Variants in ATP8B4 observed in about 807,000 individuals in gnomAD.
ATP8B4 encodes the protein ATPase phospholipid transporting 8B4 (putative), also known as probable phospholipid-transporting ATPase IM.
In ATP8B4, 133 loss-of-function variants were observed where a neutral mutation model predicts 145.6. The observed-to-expected ratio is 0.91, with a 90% CI of 0.79 to 1.05. The LOEUF (loss-of-function observed/expected upper bound fraction) is 1.05. Ranked by LOEUF, ATP8B4 falls within the 50% of genes least tolerant of loss-of-function variation. The probability of loss-of-function intolerance (pLI) is 0.00; values close to 1 mark genes in which losing one functional copy is unlikely to be tolerated. For synonymous variants in ATP8B4, 507 were observed against 492.9 expected, an observed-to-expected ratio of 1.03 and a Z score of -0.38; for missense variants, 1,458 against 1,425.2, an observed-to-expected ratio of 1.02 and a Z score of -0.37.
At chr15:50,061,413 C>T (rs1475886325) in intron 3 of ATP8B4, among the ~76,000 whole-genome samples, 2 of 152,148 alleles carry the variant, frequency 1.3e-5, no homozygotes, top group African/African-American at 2.4e-5. Flanking sequence ...AGTACACAGG[C>T]ATCATTTCCA....
chr15:50,130,982 C>T (rs2057342182), intron 1 of ATP8B4, among the ~76,000 whole-genome samples: 1 of 152,042 alleles, frequency 6.6e-6, no homozygotes, highest in South Asian at 2.1e-4. Context: ...AGGAAACTTA[C>T]AATCATGGCA....
At chr15:50,081,305 C>A (rs2054543292) in intron 2 of ATP8B4, among the ~76,000 whole-genome samples, 1 of 152,048 alleles carries the variant, frequency 6.6e-6, no homozygotes, top group Non-Finnish European at 1.5e-5. Flanking sequence ...ATGGAAAATA[C>A]ATTGTAAACA....
chr15:50,024,217 C>T (rs757989715), intron 6 of ATP8B4, among the ~76,000 whole-genome samples: 6 of 151,984 alleles, frequency 3.9e-5, no homozygotes, highest in Non-Finnish European at 5.9e-5. Flanking sequence ...CCTGGACAGA[C>T]GGAGAGAGTA....
intron 3 of ATP8B4, among the ~76,000 whole-genome samples, chr15:50,062,849 A>G (rs773264759): frequency 3.3e-5 from 5 of 152,184 alleles, no homozygotes; most frequent in Non-Finnish European, 7.4e-5. Context: ...AAAGCATTGC[A>G]AAGAAGTTCA....
chr15:49,910,118 A>T (rs1599072250), intron 20 of ATP8B4, among the ~76,000 whole-genome samples: 1 of 152,340 alleles, frequency 6.6e-6, no homozygotes, highest in East Asian at 1.9e-4. Flanking sequence ...AATTCAGGAT[A>T]TGATTGAGAA....
intron 23 of ATP8B4, among the ~76,000 whole-genome samples, chr15:49,884,671 T>C (rs1483602282): frequency 6.7e-6 from 1 of 149,100 alleles, no homozygotes; most frequent in African/African-American, 2.5e-5. Context: ...CCTTGTTTAA[T>C]GTAATTGAGA....
At chr15:49,887,301 T>C (rs978928138) in intron 23 of ATP8B4, among the ~76,000 whole-genome samples, 2 of 151,976 alleles carry the variant, frequency 1.3e-5, no homozygotes, top group Admixed American at 1.3e-4. Context: ...TCAACCTCCC[T>C]GTTTCTCCCC....
intron 21 of ATP8B4, among the ~76,000 whole-genome samples, chr15:49,899,762 AAAG>A (rs1256147260): frequency 1.3e-5 from 2 of 152,166 alleles, no homozygotes; most frequent in Non-Finnish European, 2.9e-5. Flanking sequence ...ATTAAAAAAA[AAAG>A]AAAGAAAGAA....
At chr15:50,144,705 T>C (rs144573134) in intron 1 of ATP8B4, among the ~76,000 whole-genome samples, 2 of 152,122 alleles carry the variant, frequency 1.3e-5, no homozygotes, top group East Asian at 3.9e-4. Flanking sequence ...CACTTCATCA[T>C]GAAAGAATAA....
At chr15:49,979,955 A>G in intron 11 of ATP8B4, 142 bp from the exon 12 acceptor site, 1 of 539,844 alleles carries the variant, frequency 1.9e-6, no homozygotes, top group Non-Finnish European at 3.1e-6. Context: ...TAATCATATG[A>G]ATTACGTCAG....
At chr15:50,046,297 C>A (rs1047755076) in intron 4 of ATP8B4, among the ~76,000 whole-genome samples, 6 of 152,156 alleles carry the variant, frequency 3.9e-5, no homozygotes, top group African/African-American at 1.4e-4. Context: ...CCCCCTCCCC[C>A]TCTCTGCCCC....
intron 6 of ATP8B4, among the ~76,000 whole-genome samples, chr15:50,037,762 A>G (rs1360806847): frequency 6.6e-6 from 1 of 152,144 alleles, no homozygotes; most frequent in Non-Finnish European, 1.5e-5. Context: ...CTCTACAACT[A>G]TGGTTTTAAC....
chr15:49,952,481 C>T (rs1270617847), intron 14 of ATP8B4, among the ~76,000 whole-genome samples: 6 of 152,054 alleles, frequency 3.9e-5, no homozygotes, highest in Non-Finnish European at 7.3e-5. Flanking sequence ...TCTGTTTAGT[C>T]AATTCGGCTG....
chr15:50,126,871 C>T (rs905848923), intron 1 of ATP8B4, among the ~76,000 whole-genome samples: 8 of 143,670 alleles, frequency 5.6e-5, no homozygotes, highest in African/African-American at 1.8e-4. Context: ...CCCACACCCC[C>T]CCGCCACCAA....
chr15:49,957,897 A>T (rs1257383608), intron 14 of ATP8B4, among the ~76,000 whole-genome samples: 1 of 151,902 alleles, frequency 6.6e-6, no homozygotes, highest in African/African-American at 2.4e-5. Flanking sequence ...AAAAAATATA[A>T]TTAACAAGAT....
At chr15:49,946,538 A>G (rs1237958298) in intron 14 of ATP8B4, among the ~76,000 whole-genome samples, 1 of 152,050 alleles carries the variant, frequency 6.6e-6, no homozygotes, top group African/African-American at 2.4e-5. Flanking sequence ...AGATCATTCA[A>G]GCATTTTCCT....
At position 49,956,563 on chromosome 15, in the gene ATP8B4, A is replaced by G. The variant is rs75445603; in HGVS notation, c.1287+5414T>C. Among the ~76,000 whole-genome samples, 771 of 152,330 alleles carry G rather than the reference A, an allele frequency of 5.1e-3. 11 individuals are homozygous for G. The highest frequency in any genetic ancestry group is 0.018 in the African/African-American group (738 of 41,564). ...AATAGTTCTCAACAGATTTTTCTTG[A>G]GACAGAGTATCACTCTCACCCGGGC... is the stretch of plus-strand genomic sequence containing the variant. On this transcript the variant is annotated intron_variant, in intron 14 of 27. Transcript: ENST00000284509.
chr15:50,037,856 T>G (rs1042145919), intron 6 of ATP8B4, among the ~76,000 whole-genome samples: 2 of 152,228 alleles, frequency 1.3e-5, no homozygotes, highest in African/African-American at 4.8e-5. Flanking sequence ...CATTATGTTA[T>G]TAGAAATCAA....
intron 2 of ATP8B4, among the ~76,000 whole-genome samples, chr15:50,088,051 C>T (rs1216420316): frequency 6.6e-6 from 1 of 151,474 alleles, no homozygotes; most frequent in East Asian, 1.9e-4. Context: ...TTTATTATAC[C>T]TGATTTTGTA....
Sources: gnomAD v4.1 joint callset for allele counts (sites outside exome capture counted in the v4.1 genomes callset) on GRCh38, gnomAD v4.1.1 for gene constraint, MANE v1.5 for transcripts, NCBI Gene and HGNC (gene_info 2026-07-23, HGNC 2026-07-21) for gene names.